The following COX10 variants were observed in gnomAD, a reference collection of about 807,000 sequenced individuals.
COX10 encodes protoheme IX farnesyltransferase, mitochondrial.
In COX10, 27 loss-of-function variants were observed where a neutral mutation model predicts 37.3. The ratio of observed to expected loss-of-function variants is 0.72; its 90% CI spans 0.53 to 1.00. The LOEUF (loss-of-function observed/expected upper bound fraction) is 1.00, where lower values mean the gene tolerates loss of function less well. Among genes scored for constraint, COX10 ranks in the 50% least tolerant of loss-of-function variants. The pLI, the probability that COX10 is intolerant of heterozygous loss-of-function variation, is 0.00. For synonymous variants in COX10, 222 were observed against 229.1 expected, an observed-to-expected ratio of 0.97 and a Z score of 0.28; for missense variants, 475 against 563.2, an observed-to-expected ratio of 0.84 and a Z score of 1.59.
At chr17:14,199,123 C>T (rs1026574788) in intron 6 of COX10, among the ~76,000 whole-genome samples, 1 of 151,686 alleles carries the variant, frequency 6.6e-6, no homozygotes, top group Non-Finnish European at 1.5e-5. Flanking sequence ...GTTGCAAGCC[C>T]CCAGATTGGT....
intron 4 of COX10, among the ~76,000 whole-genome samples, chr17:14,138,149 T>A (rs764949450): frequency 2.0e-5 from 3 of 152,134 alleles, no homozygotes; most frequent in Non-Finnish European, 2.9e-5. Context: ...TTGTAGCTCT[T>A]GATCAGTTCT....
At chr17:14,137,171 A>G (rs1904399517) in intron 4 of COX10, among the ~76,000 whole-genome samples, 1 of 151,948 alleles carries the variant, frequency 6.6e-6, no homozygotes, top group East Asian at 1.9e-4. Flanking sequence ...GTATAATTTA[A>G]AATTCTTAAA....
chr17:14,084,795 G>T (rs1342269622), intron 3 of COX10, among the ~76,000 whole-genome samples: 1 of 152,022 alleles, frequency 6.6e-6, no homozygotes, highest in African/African-American at 2.4e-5. Flanking sequence ...TGAGTAGTTG[G>T]GATTATAGGT....
At chr17:14,071,313 T>TTTGTTG (rs1915016781) in intron 1 of COX10, among the ~76,000 whole-genome samples, 1 of 152,114 alleles carries the variant, frequency 6.6e-6, no homozygotes, top group South Asian at 2.1e-4. Context: ...GCCCATATGG[T>TTTGTTG]TTGTTGCTGC....
At chr17:14,084,640 C>T (rs914863926) in intron 3 of COX10, among the ~76,000 whole-genome samples, 9 of 152,012 alleles carry the variant, frequency 5.9e-5, no homozygotes, top group Admixed American at 3.9e-4. Flanking sequence ...ACAGAAAGTC[C>T]CTTCAGGCCA....
Position 14,201,791 on chromosome 17 carries a change from G to A in COX10, c.929-5019G>A, listed in dbSNP as rs147265863. On this transcript the variant is annotated intron_variant, in intron 6 of 6. Coordinates refer to ENST00000261643, the MANE Select transcript of COX10 (RefSeq NM_001303.4). ...TGGCTGTCATAACTGCAAACTCTTT[G>A]AATCTGAGACAGCTCGTGAGCTGGG... Among the ~76,000 whole-genome samples the A allele has an allele frequency of 2.6e-5, 4 of 152,304 alleles. No individual in the cohort carries two copies. In the East Asian group the frequency reaches 7.7e-4, roughly 29 times the overall value.
At position 14,128,898 on chromosome 17, in the gene COX10, G is replaced by A. The variant is rs189096205; in HGVS notation, c.624+26656G>A. On this transcript the variant is annotated intron_variant, in intron 4 of 6. Coordinates refer to ENST00000261643, the MANE Select transcript of COX10 (RefSeq NM_001303.4). ...CTTGCTCTGTCGCGCCCAGGCGAGA[G>A]TGCAGTGGCGCGATCTCGGCCCACT... Among the ~76,000 whole-genome samples the A allele has an allele frequency of 5.9e-3, 902 of 152,336 alleles. 10 individuals are homozygous for A. Among genetic ancestry groups the A allele is most frequent in the African/African-American group, 0.02 (845 of 41,580 alleles).
intron 5 of COX10, chr17:14,182,113 G>GC (rs1041564507): frequency 1.0e-6 from 1 of 981,926 alleles, no homozygotes; most frequent in African/African-American, 1.8e-5. Context: ...TTTCTTCCTT[G>GC]AAAAAAATTA....
chr17:14,100,674 C>G (rs1915756375), intron 3 of COX10, among the ~76,000 whole-genome samples: 1 of 152,186 alleles, frequency 6.6e-6, no homozygotes, highest in Non-Finnish European at 1.5e-5. Flanking sequence ...GATGCACTTA[C>G]TGGCAGAGAA....
At chr17:14,134,723 CT>C (rs950369412) in intron 4 of COX10, among the ~76,000 whole-genome samples, 19 of 150,772 alleles carry the variant, frequency 1.3e-4, no homozygotes, top group African/African-American at 3.9e-4. Flanking sequence ...GAAAGTGTGC[CT>C]TTTAAGGTAG....
chr17:14,151,957 T>C (rs1904913864), intron 4 of COX10, among the ~76,000 whole-genome samples: 1 of 152,212 alleles, frequency 6.6e-6, no homozygotes, highest in South Asian at 2.1e-4. Flanking sequence ...ATTTATTGAG[T>C]GCCTATTTGC....
At chr17:14,069,674 C>T (rs536675959) in intron 1 of COX10, 26 bp downstream of exon 1, 11 of 1,613,730 alleles carry the variant, frequency 6.8e-6, no homozygotes, top group Non-Finnish European at 9.3e-6. Flanking sequence ...TGGGCACGAC[C>T]TTGGGGGAAA....
intron 6 of COX10, among the ~76,000 whole-genome samples, chr17:14,195,821 C>T (rs1906351995): frequency 6.6e-6 from 1 of 152,124 alleles, no homozygotes; most frequent in South Asian, 2.1e-4. Context: ...TGCTGATGCC[C>T]CTGGTCCAGG....
chr17:14,137,960 T>G (rs1462769857), intron 4 of COX10, among the ~76,000 whole-genome samples: 5 of 151,330 alleles, frequency 3.3e-5, no homozygotes, highest in South Asian at 2.1e-4. Flanking sequence ...GTTTTTTTTT[T>G]TTTTTTTTTT....
At position 14,172,575 on chromosome 17, in the gene COX10, T is replaced by TTCC. The variant is rs1325666745; in HGVS notation, c.695+12629_695+12630insCCT. ...TATTCGTATGTCTTCTTTTTTTCTT[T>TTCC]TTCTTTTTTTTTTTTTTTTTTTTGA... On this transcript the variant is annotated intron_variant, in intron 5 of 6. Transcript: ENST00000261643. 1.0e-4 allele frequency among the ~76,000 whole-genome samples: 13 copies of TTCC among 129,282 alleles called. 5 individuals are homozygous for TTCC. Among genetic ancestry groups the TTCC allele is most frequent in the African/African-American group, 8.4e-5 (3 of 35,546 alleles). The allele number at this position is 129,282 out of a possible 152,430, so 84.8% of individuals were successfully genotyped here.
intron 4 of COX10, among the ~76,000 whole-genome samples, chr17:14,153,095 T>G (rs1273215450): frequency 1.3e-5 from 2 of 152,204 alleles, no homozygotes; most frequent in Non-Finnish European, 2.9e-5. Flanking sequence ...TTCTGGGCAA[T>G]GTAGTTCTGG....
chr17:14,161,718 A>T (rs1207703313), intron 5 of COX10, among the ~76,000 whole-genome samples: 1 of 152,220 alleles, frequency 6.6e-6, no homozygotes, highest in African/African-American at 2.4e-5. Flanking sequence ...CTTAGACATC[A>T]GAACGCCAGG....
intron 4 of COX10, among the ~76,000 whole-genome samples, chr17:14,141,154 C>T (rs867943623): frequency 5.2e-4 from 79 of 151,406 alleles, no homozygotes; most frequent in African/African-American, 1.9e-3. Flanking sequence ...TGAAACCGTT[C>T]GAAAATAATT....
chr17:14,131,935 A>T (rs1223818439), intron 4 of COX10, among the ~76,000 whole-genome samples: 1 of 152,042 alleles, frequency 6.6e-6, no homozygotes, highest in Non-Finnish European at 1.5e-5. Flanking sequence ...TTATAAAGTG[A>T]TGCAAAAGTA....
Sources: allele counts gnomAD v4.1 joint callset (sites outside exome capture counted in the v4.1 genomes callset), GRCh38; gene constraint gnomAD v4.1.1; transcripts MANE v1.5; gene names NCBI Gene and HGNC (gene_info 2026-07-23, HGNC 2026-07-21).